Variants in MSRA observed in about 807,000 individuals in gnomAD.
MSRA encodes the protein methionine sulfoxide reductase A.
Under a neutral mutation model 31.3 loss-of-function variants are expected in MSRA, and 54 were observed. The ratio of observed to expected loss-of-function variants is 1.73; its 90% CI spans 1.39 to 2.17. MSRA has a LOEUF of 2.17. Among genes scored for constraint, MSRA ranks in the 30% most tolerant of loss-of-function variants. MSRA has a pLI of 0.00. For synonymous variants in MSRA, 169 were observed against 116.5 expected, an observed-to-expected ratio of 1.45 and a Z score of -2.90; for missense variants, 507 against 300.9, an observed-to-expected ratio of 1.69 and a Z score of -5.07.
At position 10,214,164 on chromosome 8, in the gene MSRA, C is replaced by A. The variant is rs547422369; in HGVS notation, c.211+6263C>A. On this transcript the variant is annotated intron_variant, in intron 2 of 5. Coordinates refer to ENST00000317173, the MANE Select transcript of MSRA (RefSeq NM_012331.5). ...ACTTAGGAAAATGTGTTTTTTGTCG[C>A]ACGGCACATCTCTTTTGACAGCTAA... 2.4e-4 allele frequency among the ~76,000 whole-genome samples: 37 copies of A among 152,208 alleles called. 3 individuals are homozygous for A. The South Asian group carries it at 7.5e-3, about 31-fold the overall frequency.
intron 5 of MSRA, among the ~76,000 whole-genome samples, chr8:10,406,846 T>C (rs1807848718): frequency 5.3e-5 from 8 of 152,234 alleles, no homozygotes; most frequent in Admixed American, 5.2e-4. Flanking sequence ...GAGTCTTGCC[T>C]TGTCAGACGT....
chr8:10,067,182 C>A (rs188638120), intron 1 of MSRA, among the ~76,000 whole-genome samples: 2 of 152,156 alleles, frequency 1.3e-5, no homozygotes, highest in East Asian at 3.9e-4. Flanking sequence ...CCATCTCCCC[C>A]TTCCCAAGAA....
intron 1 of MSRA, among the ~76,000 whole-genome samples, chr8:10,079,181 C>A (rs538241891): frequency 6.6e-6 from 1 of 152,012 alleles, no homozygotes; most frequent in South Asian, 2.1e-4. Flanking sequence ...TTTTTTTAGG[C>A]AGGGTCTCAC....
chr8:10,329,296 C>T (rs1259488651), intron 5 of MSRA, among the ~76,000 whole-genome samples: 2 of 152,212 alleles, frequency 1.3e-5, no homozygotes, highest in African/African-American at 4.8e-5. Flanking sequence ...GCTCTGCTCC[C>T]CCAGGGGCTC....
At chr8:10,280,095 C>G (rs756108374) in intron 3 of MSRA, among the ~76,000 whole-genome samples, 13 of 152,178 alleles carry the variant, frequency 8.5e-5, no homozygotes, top group Admixed American at 3.3e-4. Context: ...AAATTTTTGA[C>G]GTGAAGTTTT....
At chr8:10,284,695 A>G (rs1322023001) in intron 3 of MSRA, among the ~76,000 whole-genome samples, 1 of 152,116 alleles carries the variant, frequency 6.6e-6, no homozygotes, top group African/African-American at 2.4e-5. Context: ...GAGCTACATT[A>G]TGGAGGTCTG....
chr8:10,233,735 A>C (rs1811695588), intron 2 of MSRA, among the ~76,000 whole-genome samples: 2 of 152,244 alleles, frequency 1.3e-5, no homozygotes, highest in African/African-American at 4.8e-5. Context: ...AGTTCTGGAG[A>C]AATAGAATTG....
chr8:10,135,386 C>A (rs1254804752), intron 1 of MSRA, among the ~76,000 whole-genome samples: 2 of 152,160 alleles, frequency 1.3e-5, no homozygotes, highest in Admixed American at 6.5e-5. Flanking sequence ...TTCCATTCTA[C>A]CTAAAATGCT....
At chr8:10,390,476 C>T (rs983192896) in intron 5 of MSRA, among the ~76,000 whole-genome samples, 6 of 152,206 alleles carry the variant, frequency 3.9e-5, no homozygotes, top group African/African-American at 1.2e-4. Flanking sequence ...CACTCCCACC[C>T]GTGTCCCCGC....
chr8:10,324,046 T>G (rs1802218377), intron 5 of MSRA, among the ~76,000 whole-genome samples: 1 of 152,178 alleles, frequency 6.6e-6, no homozygotes, highest in Non-Finnish European at 1.5e-5. Context: ...GCTAATTGAC[T>G]GAAACCCAGA....
At chr8:10,208,926 A>G (rs1459397783) in intron 2 of MSRA, among the ~76,000 whole-genome samples, 1 of 152,226 alleles carries the variant, frequency 6.6e-6, no homozygotes, top group Non-Finnish European at 1.5e-5. Context: ...CTGGTCTATA[A>G]ATGAGCACAC....
At chr8:10,408,959 G>C (rs1429492739) in intron 5 of MSRA, among the ~76,000 whole-genome samples, 1 of 152,032 alleles carries the variant, frequency 6.6e-6, no homozygotes, top group Non-Finnish European at 1.5e-5. Flanking sequence ...TTCTTTTTCC[G>C]TTCATCTGTT....
At chr8:10,334,936 C>T (rs924119087) in intron 5 of MSRA, among the ~76,000 whole-genome samples, 2 of 152,342 alleles carry the variant, frequency 1.3e-5, no homozygotes, top group African/African-American at 4.8e-5. Context: ...GCCATCTTCC[C>T]GTTGCTATGG....
intron 3 of MSRA, among the ~76,000 whole-genome samples, chr8:10,248,690 G>T (rs545681760): frequency 2.0e-5 from 3 of 152,342 alleles, no homozygotes; most frequent in South Asian, 2.1e-4. Flanking sequence ...AATCGGAGTT[G>T]TGACTAGGCA....
At chr8:10,141,572 A>T (rs1051863510) in intron 1 of MSRA, among the ~76,000 whole-genome samples, 6 of 152,218 alleles carry the variant, frequency 3.9e-5, no homozygotes, top group African/African-American at 1.4e-4. Flanking sequence ...CTAAGCATGC[A>T]TGGAGTCACA....
chr8:10,225,738 T>C (rs1195235484), intron 2 of MSRA, among the ~76,000 whole-genome samples: 1 of 152,128 alleles, frequency 6.6e-6, no homozygotes, highest in Non-Finnish European at 1.5e-5. Context: ...GTTTTCTGGG[T>C]ACTCGTTGGA....
At chr8:10,367,260 T>C (rs991950974) in intron 5 of MSRA, among the ~76,000 whole-genome samples, 3 of 152,158 alleles carry the variant, frequency 2.0e-5, no homozygotes, top group Non-Finnish European at 4.4e-5. Flanking sequence ...CAATAAGATA[T>C]TTTGAGACAG....
chr8:10,151,288 A>T (rs1367756167), intron 1 of MSRA, among the ~76,000 whole-genome samples: 2 of 133,892 alleles, frequency 1.5e-5, no homozygotes, highest in African/African-American at 5.6e-5. Context: ...AAAAAAAAAA[A>T]TAAGGGCTTC....
chr8:10,095,838 C>G (rs1799117106), intron 1 of MSRA: 5 of 1,255,630 alleles, frequency 4.0e-6, no homozygotes, highest in Non-Finnish European at 5.0e-6. Flanking sequence ...AACGAAGCTT[C>G]CATAGTGTCC....
Sources: gnomAD v4.1 joint callset for allele counts (sites outside exome capture counted in the v4.1 genomes callset) on GRCh38, gnomAD v4.1.1 for gene constraint, MANE v1.5 for transcripts, NCBI Gene and HGNC (gene_info 2026-07-23, HGNC 2026-07-21) for gene names.